C1orf50: variants seen among roughly 807,000 people sequenced by gnomAD.
C1orf50 encodes the protein uncharacterized protein C1orf50.
A neutral mutation model predicts 23.3 loss-of-function variants in C1orf50; 22 were observed. That is an observed-to-expected ratio of 0.94 (90% confidence interval 0.67 to 1.35). C1orf50 has a LOEUF of 1.35. C1orf50 is among the 40% of genes most tolerant of loss of function. C1orf50 has a pLI of 0.00. For missense variants in C1orf50, 271 were observed against 249.4 expected (o/e 1.09, Z -0.58); for synonymous variants, 96 against 102.4 (o/e 0.94, Z 0.38).
chr1:42,773,428 T>C (rs575255426), intron 2 of C1orf50, 135 bp from the exon 3 acceptor site: 2 of 566,932 alleles, frequency 3.5e-6, no homozygotes, highest in Non-Finnish European at 6.5e-6. Context: ...AGTGGGAGGC[T>C]ATGGGGCAGT....
chr1:42,772,062 A>G (rs1431169185), intron 2 of C1orf50, among the ~76,000 whole-genome samples: 7 of 152,052 alleles, frequency 4.6e-5, no homozygotes, highest in Non-Finnish European at 2.9e-5. Flanking sequence ...AACTTGCCTC[A>G]TATTTCTGTT....
rs377091538 is a variant in C1orf50 at position 42,779,173 on chromosome 1, T to G, written c.*3779T>G. The G allele has an allele frequency of 9.9e-5, 15 of 151,824 alleles. No homozygotes were observed. The highest frequency in any genetic ancestry group is 3.6e-4 in the African/African-American group (15 of 41,300). The allele number at this position is 151,824 out of a possible 1,614,324, so 9.4% of individuals were successfully genotyped here. ...CGGGCGGATCACGAGGTCAGGAGAT[T>G]GAGACCATTCTGGCTAACATAGTGA... On this transcript the variant is annotated 3_prime_UTR_variant, in exon 5 of 5. Transcript: ENST00000372525.
intron 4 of C1orf50, 134 bp from the exon 5 acceptor site, chr1:42,775,075 G>A: frequency 1.0e-6 from 1 of 974,818 alleles, no homozygotes; most frequent in Non-Finnish European, 1.5e-6. Flanking sequence ...GATGTGTAAG[G>A]TAACTGCGTT....
intron 2 of C1orf50, among the ~76,000 whole-genome samples, chr1:42,772,813 A>T (rs1043286479): frequency 3.3e-5 from 5 of 152,264 alleles, no homozygotes; most frequent in African/African-American, 1.2e-4. Flanking sequence ...CTTCAGTTGC[A>T]CTTTGTGGCA....
At chr1:42,771,241 G>C (rs1653215072) in intron 2 of C1orf50, among the ~76,000 whole-genome samples, 2 of 152,160 alleles carry the variant, frequency 1.3e-5, no homozygotes, top group East Asian at 3.8e-4. Context: ...CACTGGAGCT[G>C]TGCTTTAGGT....
intron 2 of C1orf50, among the ~76,000 whole-genome samples, chr1:42,770,294 C>A (rs1305123034): frequency 6.6e-6 from 1 of 151,794 alleles, no homozygotes; most frequent in African/African-American, 2.4e-5. Context: ...AATATAAATT[C>A]AAATTTTGTT....
intron 2 of C1orf50, among the ~76,000 whole-genome samples, chr1:42,769,451 C>T (rs1025075358): frequency 6.6e-6 from 1 of 151,610 alleles, no homozygotes; most frequent in East Asian, 1.9e-4. Context: ...GAGGCTGAGG[C>T]GGGAGAACTG....
chr1:42,777,933 A>G lies in C1orf50; in HGVS notation c.*2539A>G, dbSNP rs1653372035. ...CAGTCATCAGCTTGATCATTTGAAA[A>G]TGCCAAATCTCCCTCACTCTTGACA... On this transcript the variant is annotated 3_prime_UTR_variant, in exon 5 of 5. Coordinates refer to ENST00000372525, the MANE Select transcript of C1orf50 (RefSeq NM_024097.4). The G allele has an allele frequency of 6.6e-6, 1 of 151,876 alleles. No homozygotes were observed. The highest frequency in any genetic ancestry group is 2.4e-5 in the African/African-American group (1 of 41,314). The allele number at this position is 151,876 out of a possible 1,614,324, so 9.4% of individuals were successfully genotyped here.
At chr1:42,772,291 C>G (rs974082001) in intron 2 of C1orf50, among the ~76,000 whole-genome samples, 3 of 152,216 alleles carry the variant, frequency 2.0e-5, no homozygotes, top group African/African-American at 7.2e-5. Flanking sequence ...AACTAACCAG[C>G]AAATTCTCTT....
intron 2 of C1orf50, 171 bp from the exon 3 acceptor site, chr1:42,773,392 G>A (rs1276861200): frequency 2.0e-6 from 1 of 509,266 alleles, no homozygotes; most frequent in African/African-American, 2.0e-5. Flanking sequence ...TCTCATGACA[G>A]TGCTATCTGA....
At chr1:42,767,679 G>A in intron 2 of C1orf50, 55 bp downstream of exon 2, 1 of 1,486,058 alleles carries the variant, frequency 6.7e-7, no homozygotes, top group Non-Finnish European at 9.2e-7. Context: ...GTTGTACTCT[G>A]CGTCTTTCGG....
chr1:42,773,728 T>G, intron 3 of C1orf50, 79 bp downstream of exon 3: 3 of 865,140 alleles, frequency 3.5e-6, no homozygotes, highest in Non-Finnish European at 5.6e-6. Context: ...ATAATCGTTG[T>G]GACTTTTTAT....
At chr1:42,768,804 TGGAA>T (rs2124184230) in intron 2 of C1orf50, among the ~76,000 whole-genome samples, 1 of 152,292 alleles carries the variant, frequency 6.6e-6, no homozygotes, top group South Asian at 2.1e-4. Flanking sequence ...CCTGAACAGA[TGGAA>T]GAAAGAACAC....
chr1:42,776,133 T>G lies in C1orf50; in HGVS notation c.*739T>G, dbSNP rs1557586625. ...CCACTAATCATTATAGAGTCCACTGTGTAGTCTCCCAAGTTGGAAATCCCA... is the reference window on the plus strand; with the variant it reads ...CCACTAATCATTATAGAGTCCACTGGGTAGTCTCCCAAGTTGGAAATCCCA... On this transcript the variant is annotated 3_prime_UTR_variant, in exon 5 of 5. Coordinates refer to ENST00000372525, the MANE Select transcript of C1orf50 (RefSeq NM_024097.4). The G allele has an allele frequency of 6.6e-6, 1 of 152,178 alleles. No individual in the cohort carries two copies. The highest frequency in any genetic ancestry group is 2.4e-5 in the African/African-American group (1 of 41,426). The allele number at this position is 152,178 out of a possible 1,614,324, so 9.4% of individuals were successfully genotyped here.
intron 3 of C1orf50, among the ~76,000 whole-genome samples, chr1:42,773,907 C>T (rs948957306): frequency 5.9e-5 from 9 of 152,320 alleles, no homozygotes; most frequent in African/African-American, 1.9e-4. Flanking sequence ...ACTGCAGCCT[C>T]TGCCTCCCGG....
rs372333627 is a variant in C1orf50, at chr1:42,775,445, G to C, written c.*51G>C. On this transcript the variant is annotated 3_prime_UTR_variant, in exon 5 of 5. Coordinates refer to ENST00000372525, the MANE Select transcript of C1orf50 (RefSeq NM_024097.4). The stretch of plus-strand genomic sequence containing the variant: ...ACAGGACCTGGCTGTCAACCTCCTT[G>C]TTGCCCCCACTGTTGCCTTGAGAAT... 7.4e-6 allele frequency: 11 copies of C among 1,491,092 alleles called. No individual in the cohort carries two copies. The highest frequency in any genetic ancestry group is 1.4e-5 in the African/African-American group (1 of 72,992). The allele number at this position is 1,491,092 out of a possible 1,614,324, so 92.4% of individuals were successfully genotyped here.
At chr1:42,767,674 A>G (rs752381850) in intron 2 of C1orf50, 50 bp downstream of exon 2, 12 of 1,510,418 alleles carry the variant, frequency 7.9e-6, no homozygotes, top group East Asian at 2.3e-5. Context: ...TTCACGTTGT[A>G]CTCTGCGTCT....
chr1:42,774,754 C>G lies in C1orf50; in HGVS notation c.300C>G (p.His100Gln), dbSNP rs1364167306. The G allele has an allele frequency of 1.9e-6, 3 of 1,611,970 alleles. No homozygotes were observed. The highest frequency in any genetic ancestry group is 2.5e-6 in the Non-Finnish European group (3 of 1,178,358). The change falls in exon 4 of 5, where the codon CAC becomes CAG. Residue 100 changes from histidine (H) to glutamine (Q), a missense_variant. His to Gln is a conservative substitution (Grantham distance 24, BLOSUM62 0). Coordinates refer to ENST00000372525, the MANE Select transcript of C1orf50 (RefSeq NM_024097.4). ...ATTCATAGGTACTGGAAGATGCTCA[C>G]AGAGATGCCAACCTGCACCATGTAG... ...EQARKVLEDAHRDANLHHVAC... is the reference protein window; with the variant it reads ...EQARKVLEDAQRDANLHHVAC...
intron 2 of C1orf50, among the ~76,000 whole-genome samples, chr1:42,770,739 C>T (rs1391576377): frequency 1.3e-5 from 2 of 152,070 alleles, no homozygotes; most frequent in East Asian, 3.9e-4. Context: ...GGCTTTCATT[C>T]TTGGAACAAA....
Sources: allele counts gnomAD v4.1 joint callset (sites outside exome capture counted in the v4.1 genomes callset), GRCh38; gene constraint gnomAD v4.1.1; transcripts MANE v1.5; gene names NCBI Gene and HGNC (gene_info 2026-07-23, HGNC 2026-07-21).